Variants in CHODL observed in about 807,000 individuals in gnomAD.
CHODL encodes the protein transmembrane protein MT75.
In CHODL, 29 loss-of-function variants were observed where a neutral mutation model predicts 34.5. The ratio of observed to expected loss-of-function variants is 0.84; its 90% CI spans 0.63 to 1.15. The LOEUF (loss-of-function observed/expected upper bound fraction) is 1.15. Among genes scored for constraint, CHODL ranks in the 50% most tolerant of loss-of-function variants. CHODL has a pLI of 0.00. For missense variants in CHODL, 332 were observed against 332.5 expected, an observed-to-expected ratio of 1.00 and a Z score of 0.01; for synonymous variants, 125 against 116.1, an observed-to-expected ratio of 1.08 and a Z score of -0.49.
At chr21:18,135,191 T>C (rs914778144) in intron 2 of CHODL, among the ~76,000 whole-genome samples, 2 of 152,152 alleles carry the variant, frequency 1.3e-5, no homozygotes, top group African/African-American at 2.4e-5. Flanking sequence ...ACGAGGAAAA[T>C]TCTATTTCAT....
intron 1 of CHODL, among the ~76,000 whole-genome samples, chr21:17,930,513 C>T (rs1179974850): frequency 6.6e-6 from 1 of 152,208 alleles, no homozygotes; most frequent in East Asian, 1.9e-4. Context: ...AGTGGTCTGC[C>T]TGCCCTTTCC....
chr21:18,096,157 A>G (rs1326631232), intron 2 of CHODL, among the ~76,000 whole-genome samples: 1 of 152,176 alleles, frequency 6.6e-6, no homozygotes, highest in Non-Finnish European at 1.5e-5. Context: ...TCACTTCCCC[A>G]ATCAATACTC....
At chr21:18,212,709 C>T (rs974155031) in intron 2 of CHODL, among the ~76,000 whole-genome samples, 1 of 151,996 alleles carries the variant, frequency 6.6e-6, no homozygotes, top group Admixed American at 6.6e-5. Context: ...TTATAGAAAG[C>T]TTTCTGTAAA....
chr21:18,076,145 C>T (rs960318780), intron 2 of CHODL, among the ~76,000 whole-genome samples: 9 of 152,102 alleles, frequency 5.9e-5, no homozygotes, highest in African/African-American at 1.9e-4. Flanking sequence ...ACTGCCATAA[C>T]AAATACCTAA....
At chr21:17,998,850 C>T (rs115454032) in intron 1 of CHODL, among the ~76,000 whole-genome samples, 2,395 of 152,270 alleles carry the variant, frequency 0.016, 67 homozygotes, top group African/African-American at 0.054. Context: ...TGAGGGGCTG[C>T]GGTGAAGGTC....
chr21:17,922,083 A>C (rs2063187396), intron 1 of CHODL, among the ~76,000 whole-genome samples: 1 of 152,170 alleles, frequency 6.6e-6, no homozygotes. Context: ...GGAAAGTTGA[A>C]GTGATAATGC....
At chr21:18,101,103 A>G (rs1224615696) in intron 2 of CHODL, among the ~76,000 whole-genome samples, 2 of 152,080 alleles carry the variant, frequency 1.3e-5, no homozygotes, top group Non-Finnish European at 2.9e-5. Context: ...ATGATTGAAT[A>G]ATGGGGGTGG....
At chr21:18,179,298 A>G (rs2073353758) in intron 2 of CHODL, among the ~76,000 whole-genome samples, 1 of 152,174 alleles carries the variant, frequency 6.6e-6, no homozygotes, top group Non-Finnish European at 1.5e-5. Context: ...CTTGGGAGTC[A>G]GCCTCTGTTC....
In CHODL at chr21:18,027,540, A is replaced by G. The variant is rs552077443; in HGVS notation, c.-144-332A>G. On this transcript the variant is annotated intron_variant, in intron 1 of 6. Coordinates refer to the CHODL transcript ENST00000400127. ...GTTAGATTTAACGTAGGTAATGAGC[A>G]TTTCACCTTGAAATGAGTGCTAGGA... is the stretch of plus-strand genomic sequence containing the variant. Among the ~76,000 whole-genome samples, 9 of 152,312 alleles carry G rather than the reference A, an allele frequency of 5.9e-5. No individual in the cohort carries two copies. In the South Asian group the frequency reaches 1.9e-3, roughly 32 times the overall value.
chr21:18,214,425 C>G (rs1040985663), intron 2 of CHODL, among the ~76,000 whole-genome samples: 5 of 152,070 alleles, frequency 3.3e-5, no homozygotes, highest in Admixed American at 2.0e-4. Flanking sequence ...TTCAATCGCT[C>G]TAGCACCTAG....
rs374952841 is a variant in CHODL at position 18,251,410 on chromosome 21, TTTTATTTATTTTA to T, written c.80-5085_80-5073del. ...TTTGTTTTAATATATAAAATATGTA[TTTTATTTATTTTA>T]TTTATTTATTTTAATATATAAAAAT... On this transcript the variant is annotated intron_variant, in intron 1 of 5. Transcript: ENST00000299295. Among the ~76,000 whole-genome samples the T allele has an allele frequency of 2.9e-3, 244 of 85,244 alleles. 1 individual carries two copies. Among genetic ancestry groups the T allele is most frequent in the Middle Eastern group, 0.011 (2 of 186 alleles). The allele number at this position is 85,244 out of a possible 152,430, so 55.9% of individuals were successfully genotyped here.
chr21:18,165,777 A>C (rs2073145682), intron 2 of CHODL, among the ~76,000 whole-genome samples: 1 of 152,230 alleles, frequency 6.6e-6, no homozygotes, highest in African/African-American at 2.4e-5. Flanking sequence ...CCTTTTAATG[A>C]GAGAATGACA....
intron 1 of CHODL, among the ~76,000 whole-genome samples, chr21:17,965,455 C>T (rs1297829548): frequency 1.3e-5 from 2 of 151,978 alleles, no homozygotes; most frequent in African/African-American, 4.8e-5. Context: ...TCCTCCTCCT[C>T]CTCTTCCTCT....
chr21:18,160,398 T>TTTTCGGG (rs2073082380), intron 2 of CHODL, among the ~76,000 whole-genome samples: 1 of 152,084 alleles, frequency 6.6e-6, no homozygotes, highest in Non-Finnish European at 1.5e-5. Context: ...TAGGTAAACT[T>TTTTCGGG]GTGTCATGGG....
intron 2 of CHODL, among the ~76,000 whole-genome samples, chr21:18,144,902 T>C (rs73312487): frequency 5.3e-5 from 8 of 150,128 alleles, no homozygotes; most frequent in African/African-American, 1.9e-4. Flanking sequence ...AAAGTAAAGG[T>C]TCAAAACAGT....
At chr21:18,243,799 C>G (rs1400373987), upstream of CHODL, among the ~76,000 whole-genome samples, 2 of 152,106 alleles carry the variant, frequency 1.3e-5, no homozygotes, top group Non-Finnish European at 2.9e-5. Flanking sequence ...TCCAATAAAA[C>G]AGTCCAACAG....
rs1387768764 is a variant in CHODL at position 18,077,891 on chromosome 21, C to G, written c.-45+49920C>G. On this transcript the variant is annotated intron_variant, in intron 2 of 6. Transcript: ENST00000400127. ...ACCATCATCAGTAATCAACTTTCTC[C>G]TTCTTTTCCCAACCCCTGCTAGGGA... Among the ~76,000 whole-genome samples the G allele has an allele frequency of 2.0e-5, 3 of 152,246 alleles. No homozygotes were observed. The East Asian group carries it at 5.8e-4, about 29-fold the overall frequency.
chr21:18,096,193 ATC>A (rs2065137733), intron 2 of CHODL, among the ~76,000 whole-genome samples: 1 of 152,130 alleles, frequency 6.6e-6, no homozygotes, highest in South Asian at 2.1e-4. Context: ...CCTGTCTTTA[ATC>A]TCTTAATCCT....
chr21:18,167,209 C>CTGTGTG (rs769948179), intron 2 of CHODL, among the ~76,000 whole-genome samples: 39 of 129,140 alleles, frequency 3.0e-4, no homozygotes, highest in Admixed American at 8.6e-4. Flanking sequence ...ATTTCTCTCT[C>CTGTGTG]TCTGTGTGTG....
Sources: allele counts gnomAD v4.1 joint callset (sites outside exome capture counted in the v4.1 genomes callset), GRCh38; gene constraint gnomAD v4.1.1; transcripts MANE v1.5; gene names NCBI Gene and HGNC (gene_info 2026-07-23, HGNC 2026-07-21).